The following ZNF469 variants were observed in gnomAD, a reference collection of about 807,000 sequenced individuals.
ZNF469 encodes zinc finger protein 469.
A neutral mutation model predicts 1.0 loss-of-function variants in ZNF469; 1 was observed. That is an observed-to-expected ratio of 1.00 (90% CI 0.35 to 4.73). The LOEUF (loss-of-function observed/expected upper bound fraction) is 4.73. Ranked by LOEUF, ZNF469 falls within the 30% of genes most tolerant of loss-of-function variation. The pLI is 0.16. For synonymous variants in ZNF469, 2,703 were observed against 2,363.4 expected, an observed-to-expected ratio of 1.14 and a Z score of -4.17; for missense variants, 6,100 against 5,356.3, an observed-to-expected ratio of 1.14 and a Z score of -4.33.
the ZNF469 span, among the ~76,000 whole-genome samples, chr16:88,142,147 G>A: frequency 3.3e-5 from 5 of 152,242 alleles, no homozygotes; most frequent in African/African-American, 1.2e-4. Flanking sequence ...CGTCCAGGGT[G>A]AAACTGCAGG....
At chr16:88,132,545 G>A in the ZNF469 span, among the ~76,000 whole-genome samples, 2 of 152,190 alleles carry the variant, frequency 1.3e-5, no homozygotes, top group African/African-American at 4.8e-5. Flanking sequence ...CACACAACCC[G>A]GGGTCTTGGA....
intron 1 of ZNF469, among the ~76,000 whole-genome samples, chr16:88,399,032 A>G (rs1026337135): frequency 6.6e-6 from 1 of 152,224 alleles, no homozygotes; most frequent in Non-Finnish European, 1.5e-5. Flanking sequence ...CTGCCACGTA[A>G]CAAGCAGCCC....
chr16:88,399,128 G>A (rs1313708983), intron 1 of ZNF469, among the ~76,000 whole-genome samples: 1 of 152,228 alleles, frequency 6.6e-6, no homozygotes, highest in Non-Finnish European at 1.5e-5. Flanking sequence ...GGCCACCCAG[G>A]GGCTGCATGT....
chr16:88,234,389 C>A, the ZNF469 span, among the ~76,000 whole-genome samples: 3 of 152,228 alleles, frequency 2.0e-5, no homozygotes, highest in African/African-American at 7.2e-5. Context: ...CTTGTGTGAT[C>A]TTGAGGGGCA....
the ZNF469 span, among the ~76,000 whole-genome samples, chr16:88,192,499 A>G: frequency 0.21 from 31,313 of 152,010 alleles, 3,483 homozygotes; most frequent in Middle Eastern, 0.29. Context: ...TGGGGTCACA[A>G]GTGTCTCTAC....
chr16:88,289,041 A>G, the ZNF469 span, among the ~76,000 whole-genome samples: 2 of 151,668 alleles, frequency 1.3e-5, no homozygotes, highest in African/African-American at 4.9e-5. Flanking sequence ...TAATGATAAC[A>G]GTGATGGTGA....
At chr16:88,203,510 G>A in the ZNF469 span, among the ~76,000 whole-genome samples, 3 of 152,298 alleles carry the variant, frequency 2.0e-5, no homozygotes, top group East Asian at 1.9e-4. Flanking sequence ...GGGACGGGGC[G>A]GGGGTGGAGG....
At position 88,432,317 on chromosome 16, in the gene ZNF469, T is replaced by A. The variant is rs1012491338; in HGVS notation, c.4847T>A (p.Val1616Glu). 1 of 1,547,788 alleles carries A rather than the reference T, an allele frequency of 6.5e-7. No individual in the cohort carries two copies. Among genetic ancestry groups the A allele is most frequent in the Non-Finnish European group, 8.7e-7 (1 of 1,146,956 alleles). The change falls in exon 3 of 3, where the codon GTG becomes GAG. Residue 1616 changes from valine to glutamate, a missense_variant. Physicochemically the swap from Val to Glu is moderately radical, Grantham distance 121. Transcript: ENST00000565624. ...CAACGGCGCACCTGCCAGGCCACCG[T>A]GCCCCACGAGGACACGTTCTCGGCA... ...PSQRRTCQATVPHEDTFSAAD... is the reference protein window; with the variant it reads ...PSQRRTCQATEPHEDTFSAAD...
At chr16:88,261,295 C>T in the ZNF469 span, among the ~76,000 whole-genome samples, 1 of 152,164 alleles carries the variant, frequency 6.6e-6, no homozygotes, top group Non-Finnish European at 1.5e-5. The surrounding 1 kb of genome is among the most constrained non-coding windows in gnomAD (Gnocchi z 6.0). Context: ...TGGGTGCCAC[C>T]GCCCCTCACA....
chr16:88,216,291 C>G, the ZNF469 span, among the ~76,000 whole-genome samples: 183 of 152,058 alleles, frequency 1.2e-3, no homozygotes, highest in African/African-American at 4.2e-3. Context: ...GTCAGGAGAT[C>G]GAGAACATCC....
the ZNF469 span, among the ~76,000 whole-genome samples, chr16:88,158,749 G>A: frequency 6.6e-6 from 1 of 152,222 alleles, no homozygotes; most frequent in Non-Finnish European, 1.5e-5. Flanking sequence ...AGCAGCTCCT[G>A]CCCTCCCTGG....
At chr16:88,157,069 C>T in the ZNF469 span, among the ~76,000 whole-genome samples, 5 of 152,208 alleles carry the variant, frequency 3.3e-5, no homozygotes, top group South Asian at 2.1e-4. Context: ...CCCATGCAGC[C>T]GATGCAGGGA....
the ZNF469 span, among the ~76,000 whole-genome samples, chr16:88,113,912 G>C: frequency 7.9e-5 from 12 of 152,220 alleles, no homozygotes; most frequent in African/African-American, 2.9e-4. Context: ...CGCACTGAGA[G>C]TGCTGTGGGA....
chr16:88,338,507 G>A, the ZNF469 span, among the ~76,000 whole-genome samples: 4 of 152,180 alleles, frequency 2.6e-5, no homozygotes, highest in Non-Finnish European at 4.4e-5. Flanking sequence ...GTATTGGGCC[G>A]TCTGTAGAGA....
the ZNF469 span, among the ~76,000 whole-genome samples, chr16:88,189,505 C>T: frequency 2.0e-5 from 3 of 152,198 alleles, no homozygotes; most frequent in Admixed American, 1.3e-4. The surrounding 1 kb of genome is among the most constrained non-coding windows in gnomAD (Gnocchi z 4.3). Context: ...GCACTGGGCA[C>T]GTTCATTTAT....
chr16:88,205,006 G>A, the ZNF469 span, among the ~76,000 whole-genome samples: 2 of 152,118 alleles, frequency 1.3e-5, no homozygotes, highest in East Asian at 1.9e-4. The surrounding 1 kb of genome is among the most constrained non-coding windows in gnomAD (Gnocchi z 4.2). Context: ...ATCAGTGCTC[G>A]CGTTAAGGGG....
the ZNF469 span, among the ~76,000 whole-genome samples, chr16:88,294,185 C>G: frequency 6.6e-6 from 1 of 152,198 alleles, no homozygotes; most frequent in Non-Finnish European, 1.5e-5. Flanking sequence ...GGACCAGTGA[C>G]AAAGATCAGC....
At chr16:88,223,762 T>G in the ZNF469 span, among the ~76,000 whole-genome samples, 13 of 152,380 alleles carry the variant, frequency 8.5e-5, no homozygotes, top group East Asian at 2.3e-3. Flanking sequence ...GCCCGCTGTG[T>G]CCTTCCACAG....
At chr16:88,119,124 C>A in the ZNF469 span, among the ~76,000 whole-genome samples, 1 of 152,306 alleles carries the variant, frequency 6.6e-6, no homozygotes, top group East Asian at 1.9e-4. Context: ...ATGAAAATAA[C>A]GTTTGTCCAG....
Sources: gnomAD v4.1 joint callset for allele counts (sites outside exome capture counted in the v4.1 genomes callset) on GRCh38, gnomAD v4.1.1 for gene constraint, Gnocchi (gnomAD v3.1) non-coding constraint, MANE v1.5 for transcripts, NCBI Gene and HGNC (gene_info 2026-07-23, HGNC 2026-07-21) for gene names.